HECW2: variants seen among roughly 807,000 people sequenced by gnomAD.
HECW2 encodes HECT, C2 and WW domain containing E3 ubiquitin protein ligase 2.
A neutral mutation model predicts 175.2 loss-of-function variants in HECW2; 61 were observed. The ratio of observed to expected loss-of-function variants is 0.35; its 90% confidence interval spans 0.28 to 0.43. The LOEUF (loss-of-function observed/expected upper bound fraction) is 0.43, where lower values mean the gene tolerates loss of function less well. HECW2 is among the 20% of genes least tolerant of loss of function. HECW2 has a pLI of 1.00. For synonymous variants in HECW2, 671 were observed against 731.0 expected (o/e 0.92, Z 1.32); for missense variants, 1,524 against 2,000.5 (o/e 0.76, Z 4.54).
intron 1 of HECW2, among the ~76,000 whole-genome samples, chr2:196,547,491 G>A (rs1689465170): frequency 6.6e-6 from 1 of 152,322 alleles, no homozygotes; most frequent in African/African-American, 2.4e-5. Flanking sequence ...GGTTGTAGGT[G>A]TACTTTTGTG....
intron 1 of HECW2, among the ~76,000 whole-genome samples, chr2:196,530,894 T>C (rs367882393): frequency 1.6e-4 from 24 of 152,260 alleles, no homozygotes; most frequent in African/African-American, 5.8e-4. Flanking sequence ...ACCCAGTGTT[T>C]CTCATTTTCT....
intron 1 of HECW2, among the ~76,000 whole-genome samples, chr2:196,526,028 T>C (rs1575637304): frequency 5.0e-5 from 4 of 79,712 alleles, no homozygotes; most frequent in Admixed American, 1.6e-4. Context: ...TTGGCCTGCC[T>C]TGCTAGATTG....
intron 23 of HECW2, 63 bp from the exon 24 acceptor site, chr2:196,222,403 A>G (rs1687702494): frequency 1.3e-6 from 2 of 1,493,324 alleles, no homozygotes; most frequent in Non-Finnish European, 1.8e-6. Flanking sequence ...ACCCAGAGTC[A>G]TAAGGAAAGA....
Position 196,269,963 on chromosome 2 carries a change from A to AGAG in HECW2, c.3335+1227_3335+1229dup, listed in dbSNP as rs1400597638. On this transcript the variant is annotated intron_variant, in intron 17 of 28. Coordinates refer to ENST00000644978, the MANE Select transcript of HECW2 (RefSeq NM_001348768.2). ...ACAGGGGTATAAATTCTGAGAAGGGAGAGGAATTGGAGGAGGCATGACCTG... is the reference window on the plus strand; with the variant it reads ...ACAGGGGTATAAATTCTGAGAAGGGAGAGGAGGAATTGGAGGAGGCATGACCTG... Among the ~76,000 whole-genome samples, 3 of 152,170 alleles carry AGAG rather than the reference A, an allele frequency of 2.0e-5. No homozygotes were observed. The East Asian group carries it at 5.8e-4, about 29-fold the overall frequency.
chr2:196,551,906 C>T (rs1680852322), intron 1 of HECW2, among the ~76,000 whole-genome samples: 1 of 152,212 alleles, frequency 6.6e-6, no homozygotes, highest in Admixed American at 6.5e-5. Flanking sequence ...TGACCTTCTT[C>T]ATATGCAATA....
chr2:196,262,515 AC>A (rs1689339003), intron 17 of HECW2, among the ~76,000 whole-genome samples: 1 of 151,956 alleles, frequency 6.6e-6, no homozygotes, highest in South Asian at 2.1e-4. Flanking sequence ...GTGAGGTACA[AC>A]TTAAATTCCT....
At chr2:196,296,966 TTTGC>T (rs1690839561) in intron 13 of HECW2, among the ~76,000 whole-genome samples, 1 of 152,220 alleles carries the variant, frequency 6.6e-6, no homozygotes, top group South Asian at 2.1e-4. Context: ...TGTTTGTTTG[TTTGC>T]TTGCTTATCT....
intron 20 of HECW2, among the ~76,000 whole-genome samples, chr2:196,241,356 AG>A (rs1346546934): frequency 6.6e-6 from 1 of 152,220 alleles, no homozygotes; most frequent in Non-Finnish European, 1.5e-5. Context: ...ATTTTAATCA[AG>A]CAAGCCTTCC....
At chr2:196,537,389 G>T (rs10439321) in intron 1 of HECW2, among the ~76,000 whole-genome samples, 8,863 of 152,098 alleles carry the variant, frequency 0.058, 876 homozygotes, top group African/African-American at 0.2. Flanking sequence ...CCAGAGACCG[G>T]CGAGCTACAT....
At chr2:196,361,938 G>C in intron 2 of HECW2, 1 of 985,354 alleles carries the variant, frequency 1.0e-6, no homozygotes, top group South Asian at 4.7e-5. Flanking sequence ...TCATTCATAG[G>C]AGCAGCCAGA....
Position 196,445,838 on chromosome 2 carries a change from C to T in HECW2, c.-35-12380G>A, listed in dbSNP as rs185048746. On this transcript the variant is annotated intron_variant, in intron 1 of 28. Transcript: ENST00000644978. ...GTGCATTCTAGGCCATACAATACAA[C>T]TAAAAAGTAAAGATAGATAGGAATT... 3.3e-5 allele frequency among the ~76,000 whole-genome samples: 5 copies of T among 152,306 alleles called. No homozygotes were observed. In the East Asian group the frequency reaches 9.6e-4, roughly 29 times the overall value.
chr2:196,269,344 G>T (rs894442779), intron 17 of HECW2: 1 of 151,792 alleles, frequency 6.6e-6, no homozygotes, highest in African/African-American at 2.4e-5. Context: ...AATTAGCTGG[G>T]TGTTGCGGTG....
chr2:196,318,599 T>C lies in HECW2; in HGVS notation c.2291A>G (p.Gln764Arg). 3.2e-6 allele frequency: 5 copies of C among 1,550,308 alleles called. No individual in the cohort carries two copies. Among genetic ancestry groups the C allele is most frequent in the East Asian group, 2.3e-5 (1 of 43,928 alleles). Residue 764 changes from glutamine to arginine, a missense_variant, in exon 9 of 29, where the codon CAA becomes CGA. Around this residue, in one of 11 missense-constraint regions of HECW2, gnomAD observed 604 missense variants for 588.3 expected, o/e 1.03. Transcript: ENST00000644978. ...PQEEGSAGEA[Q>R]GTCEGATAQE... The stretch of plus-strand genomic sequence containing the variant: ...GGCAGTTGCCCCTTCACAGGTGCCT[T>C]GGGCCTCCCCAGCACTGCCTTCTTC...
At chr2:196,329,470 A>C (rs1559045578) in intron 5 of HECW2, 105 bp downstream of exon 5, 1 of 826,480 alleles carries the variant, frequency 1.2e-6, no homozygotes, top group African/African-American at 1.7e-5. Context: ...AAACTAGTTC[A>C]CATATCATCA....
At chr2:196,317,515 A>T in intron 9 of HECW2, 146 bp from the exon 10 acceptor site, 1 of 645,054 alleles carries the variant, frequency 1.6e-6, no homozygotes. Context: ...TAGAAACAAA[A>T]GAAGAGAATA....
Position 196,197,349 on chromosome 2 carries a change from T to A in HECW2, c.*3928A>T, listed in dbSNP as rs1267412322. ...TCACTGGAACTCAGCTATTAGGGCT[T>A]ACTAGATCCATCCCTATTAAAAATT... On this transcript the variant is annotated 3_prime_UTR_variant, in exon 29 of 29. Transcript: ENST00000644978. 6.6e-6 allele frequency: 1 copy of A among 150,614 alleles called. No homozygotes were observed. Among genetic ancestry groups the A allele is most frequent in the Admixed American group, 6.7e-5 (1 of 14,956 alleles). 9.3% of individuals were successfully genotyped at this position (150,614 alleles called of 1,614,324 possible).
At position 196,319,120 on chromosome 2, in the gene HECW2, T is replaced by C. The variant is rs535580199; in HGVS notation, c.1770A>G (p.Gly590=). The change falls in exon 9 of 29, where the codon GGA becomes GGG. Residue 590 remains glycine (G), a synonymous_variant. Transcript: ENST00000644978. ...CGGTCTCACTGACGGCTCTTCGGCT[T>C]CCTCCTGATGCATCGGAAGTCCCTG... is the stretch of plus-strand genomic sequence containing the variant. The part of the protein sequence containing the change: ...ADTGTSDASG[G]SRRAVSETES... 4 of 1,593,974 alleles carry C rather than the reference T, an allele frequency of 2.5e-6. No homozygotes were observed. The highest frequency in any genetic ancestry group is 2.7e-5 in the African/African-American group (2 of 74,570).
At chr2:196,332,215 A>G (rs957662064) in intron 4 of HECW2, among the ~76,000 whole-genome samples, 3 of 152,172 alleles carry the variant, frequency 2.0e-5, no homozygotes, top group South Asian at 2.1e-4. Context: ...TTCCAGGTCT[A>G]TTCTTTGTAT....
chr2:196,400,877 T>A (rs969470228), intron 2 of HECW2, among the ~76,000 whole-genome samples: 2 of 151,892 alleles, frequency 1.3e-5, no homozygotes, highest in Non-Finnish European at 2.9e-5. Context: ...TTGTGTCTAC[T>A]TAAAATATAA....
Sources: gnomAD v4.1 joint callset for allele counts (sites outside exome capture counted in the v4.1 genomes callset) on GRCh38, gnomAD v4.1.1 for gene constraint, gnomAD v4.1.1 regional missense constraint, MANE v1.5 for transcripts, NCBI Gene and HGNC (gene_info 2026-07-23, HGNC 2026-07-21) for gene names.